The following CELA2A variants were observed in gnomAD, a reference collection of about 807,000 sequenced individuals.
CELA2A encodes the protein chymotrypsin-like elastase family member 2A.
In CELA2A, 31 loss-of-function variants were observed where a neutral mutation model predicts 35.3. The ratio of observed to expected loss-of-function variants is 0.88; its 90% CI spans 0.66 to 1.19. The LOEUF (loss-of-function observed/expected upper bound fraction) is 1.19. Ranked by LOEUF, CELA2A falls within the 50% of genes most tolerant of loss-of-function variation. The pLI is 0.00. For missense variants in CELA2A, 330 were observed against 352.9 expected (o/e 0.94, Z 0.52); for synonymous variants, 150 against 149.8 (o/e 1.00, Z -0.01).
intron 6 of CELA2A, 120 bp from the exon 7 acceptor site, chr1:15,467,266 A>G: frequency 9.7e-7 from 1 of 1,026,986 alleles, no homozygotes; most frequent in Non-Finnish European, 1.5e-6. Flanking sequence ...TATGACCACA[A>G]GGGTCAGCTT....
At chr1:15,457,036 C>T in intron 1 of CELA2A, 50 bp from the exon 2 acceptor site, 1 of 1,556,716 alleles carries the variant, frequency 6.4e-7, no homozygotes, top group South Asian at 1.1e-5. Flanking sequence ...GTGTAGTTTA[C>T]ATTGTGTGGG....
intron 6 of CELA2A, among the ~76,000 whole-genome samples, chr1:15,466,622 C>T (rs564186153): frequency 6.6e-6 from 1 of 152,080 alleles, no homozygotes; most frequent in East Asian, 1.9e-4. Flanking sequence ...TTTTGAGATT[C>T]TCCTTGTAGT....
Position 15,466,005 on chromosome 1 carries a change from G to A in CELA2A, c.500G>A (p.Gly167Glu), listed in dbSNP as rs914223517. ...VTGWGRLQTNGAVPDVLQQGR... is the reference protein window; with the variant it reads ...VTGWGRLQTNEAVPDVLQQGR... The stretch of plus-strand genomic sequence containing the variant: ...TCTCTCTGATCTCATTCAGCCAACG[G>A]GGCTGTTCCTGATGTCCTGCAGCAG... The change falls in exon 6 of 8, where the codon GGG (glycine) becomes GAG (glutamate). Residue 167 changes from glycine (G) to glutamate (E), a missense_variant. Coordinates refer to ENST00000359621, the MANE Select transcript of CELA2A (RefSeq NM_033440.3). 1.8e-5 allele frequency: 29 copies of A among 1,613,986 alleles called. No individual in the cohort carries two copies. The highest frequency in any genetic ancestry group is 2.1e-5 in the Non-Finnish European group (25 of 1,180,050).
chr1:15,458,248 T>C (rs1708386903), intron 2 of CELA2A, among the ~76,000 whole-genome samples: 1 of 152,152 alleles, frequency 6.6e-6, no homozygotes, highest in Non-Finnish European at 1.5e-5. Flanking sequence ...CTTTGAGACG[T>C]TCACAAAGCA....
At chr1:15,465,905 AAG>A in intron 5 of CELA2A, 92 bp from the exon 6 acceptor site, 1 of 1,447,080 alleles carries the variant, frequency 6.9e-7, no homozygotes, top group East Asian at 2.3e-5. Context: ...CAATGGATGG[AAG>A]ACAGGAACAG....
chr1:15,471,213 C>T (rs1289136458), intron 7 of CELA2A, among the ~76,000 whole-genome samples: 1 of 152,126 alleles, frequency 6.6e-6, no homozygotes, highest in Admixed American at 6.5e-5. Context: ...AGCTGGATCT[C>T]CTGCAGTTTA....
In CELA2A at chr1:15,457,332, C is replaced by T. The variant is rs1402041811; in HGVS notation, c.129+158C>T. 2.5e-5 allele frequency: 18 copies of T among 709,572 alleles called. No homozygotes were observed. The East Asian group carries it at 4.7e-4, about 18-fold the overall frequency. The allele number at this position is 709,572 out of a possible 1,614,324, so 44.0% of individuals were successfully genotyped here. A position where few individuals can be genotyped will look rare whatever the true frequency, so the allele number is the denominator to read the frequency against. ...CTTTAGCAATAAGATATATTTCCGGCTGGGCGCAGTGGCTCATGCCTGTTA... is the reference window on the plus strand; with the variant it reads ...CTTTAGCAATAAGATATATTTCCGGTTGGGCGCAGTGGCTCATGCCTGTTA... On this transcript the variant is annotated intron_variant, in intron 2 of 7. Coordinates refer to ENST00000359621, the MANE Select transcript of CELA2A (RefSeq NM_033440.3).
At chr1:15,468,650 A>T (rs1303696667) in intron 7 of CELA2A, among the ~76,000 whole-genome samples, 6 of 151,994 alleles carry the variant, frequency 3.9e-5, no homozygotes, top group Admixed American at 6.6e-5. Context: ...TTACAAAAAA[A>T]TTTTTTTTAA....
chr1:15,471,881 C>A, intron 7 of CELA2A, 109 bp from the exon 8 acceptor site: 1 of 1,335,092 alleles, frequency 7.5e-7, no homozygotes, highest in Non-Finnish European at 1.1e-6. Context: ...GTAGTGTGGG[C>A]TGCCTGTAAC....
At chr1:15,458,121 A>G (rs1193596026) in intron 2 of CELA2A, among the ~76,000 whole-genome samples, 1 of 152,216 alleles carries the variant, frequency 6.6e-6, no homozygotes, top group Non-Finnish European at 1.5e-5. Flanking sequence ...ATATATATAT[A>G]GTAAAGATTT....
chr1:15,469,609 T>C (rs1051794570), intron 7 of CELA2A, among the ~76,000 whole-genome samples: 2 of 152,216 alleles, frequency 1.3e-5, no homozygotes, highest in African/African-American at 4.8e-5. Flanking sequence ...CATTTGTCTG[T>C]CTGCTGGCAT....
At chr1:15,470,124 T>A (rs1708571248) in intron 7 of CELA2A, among the ~76,000 whole-genome samples, 1 of 152,108 alleles carries the variant, frequency 6.6e-6, no homozygotes, top group Non-Finnish European at 1.5e-5. Flanking sequence ...AGATGCCCGG[T>A]AACGGGTTTC....
intron 2 of CELA2A, among the ~76,000 whole-genome samples, chr1:15,460,819 G>A (rs1708423476): frequency 6.6e-6 from 1 of 151,834 alleles, no homozygotes; most frequent in Non-Finnish European, 1.5e-5. Context: ...CTATAGGCAT[G>A]CACCGCCGCA....
intron 4 of CELA2A, 85 bp from the exon 5 acceptor site, chr1:15,463,301 G>C: frequency 6.3e-7 from 1 of 1,593,614 alleles, no homozygotes; most frequent in South Asian, 1.1e-5. Flanking sequence ...GTACAGGGAA[G>C]ATGACAAGGT....
intron 7 of CELA2A, among the ~76,000 whole-genome samples, chr1:15,471,234 T>C (rs1183026343): frequency 6.6e-6 from 1 of 152,148 alleles, no homozygotes; most frequent in Non-Finnish European, 1.5e-5. Context: ...CAGCACTGGA[T>C]CATGAAGTTG....
intron 2 of CELA2A, among the ~76,000 whole-genome samples, chr1:15,461,267 G>A (rs575199975): frequency 6.6e-6 from 1 of 152,270 alleles, no homozygotes; most frequent in African/African-American, 2.4e-5. Context: ...TCACCATGTT[G>A]CCCAGGCTGG....
chr1:15,456,750 C>T lies in CELA2A; in HGVS notation c.-4C>T. 6.2e-7 allele frequency: 1 copy of T among 1,614,190 alleles called. No individual in the cohort carries two copies. Among genetic ancestry groups the T allele is most frequent in the Non-Finnish European group, 8.5e-7 (1 of 1,180,024 alleles). On this transcript the variant is annotated 5_prime_UTR_variant, in exon 1 of 8. Coordinates refer to ENST00000359621, the MANE Select transcript of CELA2A (RefSeq NM_033440.3). The stretch of plus-strand genomic sequence containing the variant: ...CACGCTTACAGAACTCCCACGGACA[C>T]ACCATGATAAGGACGCTGCTGCTGT...
At chr1:15,457,721 C>T (rs10927787) in intron 2 of CELA2A, 61,781 of 154,684 alleles carry the variant, frequency 0.4, 12,753 homozygotes, top group Middle Eastern at 0.55. Context: ...TGCCCATAGG[C>T]AGCAAATATA....
chr1:15,462,689 A>G, intron 3 of CELA2A, 44 bp from the exon 4 acceptor site: 1 of 1,610,230 alleles, frequency 6.2e-7, no homozygotes, highest in Non-Finnish European at 8.5e-7. Flanking sequence ...ATCCAAAGCC[A>G]GGCCTCTGGA....
Sources: allele counts gnomAD v4.1 joint callset (sites outside exome capture counted in the v4.1 genomes callset), GRCh38; gene constraint gnomAD v4.1.1; transcripts MANE v1.5; gene names NCBI Gene and HGNC (gene_info 2026-07-23, HGNC 2026-07-21).